CTNND2: variants seen among roughly 807,000 people sequenced by gnomAD.
CTNND2 encodes catenin delta 2.
Under a neutral mutation model 144.4 loss-of-function variants are expected in CTNND2, and 22 were observed. That is an observed-to-expected ratio of 0.15 (90% CI 0.11 to 0.22). The LOEUF is 0.22. CTNND2 is among the 10% of genes least tolerant of loss of function. CTNND2 has a pLI of 1.00. For missense variants in CTNND2, 1,353 were observed against 1,618.8 expected, an observed-to-expected ratio of 0.84 and a Z score of 2.82; for synonymous variants, 751 against 695.6, an observed-to-expected ratio of 1.08 and a Z score of -1.25.
At chr5:11,491,159 T>C (rs987818360) in intron 3 of CTNND2, among the ~76,000 whole-genome samples, 2 of 152,140 alleles carry the variant, frequency 1.3e-5, no homozygotes, top group African/African-American at 4.8e-5. Flanking sequence ...AATTCCATGA[T>C]ACCAGTTATG....
intron 3 of CTNND2, among the ~76,000 whole-genome samples, chr5:11,466,179 C>A (rs932005061): frequency 2.0e-5 from 3 of 151,992 alleles, no homozygotes; most frequent in Non-Finnish European, 4.4e-5. Context: ...TTTTTAAATT[C>A]TTTGTAGAGA....
chr5:11,607,354 G>C (rs909490200), intron 2 of CTNND2, among the ~76,000 whole-genome samples: 2 of 152,108 alleles, frequency 1.3e-5, no homozygotes, highest in African/African-American at 4.8e-5. Context: ...GATATATTTT[G>C]AGTGGTATGG....
intron 11 of CTNND2, among the ~76,000 whole-genome samples, chr5:11,172,289 T>A (rs1760010437): frequency 6.6e-6 from 1 of 152,138 alleles, no homozygotes. Context: ...CAACATCAGC[T>A]TCCTCCTGAG....
rs543364034 is a variant in CTNND2 at position 11,573,880 on chromosome 5, C to G, written c.175-8824G>C. Among the ~76,000 whole-genome samples the G allele has an allele frequency of 7.9e-5, 12 of 152,218 alleles. No individual in the cohort carries two copies. The South Asian group carries it at 2.3e-3, about 29-fold the overall frequency. The stretch of plus-strand genomic sequence containing the variant: ...TCTGCCATTTTCTCTTGCCAAATGC[C>G]TTGTTAGCCAAATAAAGCATGTTTA... On this transcript the variant is annotated intron_variant, in intron 2 of 21. Transcript: ENST00000304623.
intron 7 of CTNND2, among the ~76,000 whole-genome samples, chr5:11,371,305 T>C (rs1757459245): frequency 1.3e-5 from 2 of 152,244 alleles, no homozygotes. Flanking sequence ...TATCAGCATA[T>C]AAACACTTTG....
At chr5:11,801,891 C>T (rs934754541) in intron 1 of CTNND2, among the ~76,000 whole-genome samples, 7 of 152,202 alleles carry the variant, frequency 4.6e-5, no homozygotes, top group African/African-American at 1.7e-4. Flanking sequence ...TGGAATAACA[C>T]CTTCCAAACA....
In CTNND2 at chr5:11,240,107, A is replaced by AAC. The variant is rs762278336; in HGVS notation, c.1629-3286_1629-3285dup. On this transcript the variant is annotated intron_variant, in intron 9 of 21. Coordinates refer to ENST00000304623, the MANE Select transcript of CTNND2 (RefSeq NM_001332.4). The stretch of plus-strand genomic sequence containing the variant: ...AGAGTCATTCCTAGATTAGCCACAC[A>AAC]ACACACACACACACACCCCCAACAC... 8.6e-3 allele frequency among the ~76,000 whole-genome samples: 1,282 copies of AAC among 149,520 alleles called. 25 individuals carry two copies. The highest frequency in any genetic ancestry group is 0.032 in the Admixed American group (473 of 14,690).
chr5:11,050,355 C>T, intron 16 of CTNND2, among the ~76,000 whole-genome samples: 1 of 152,182 alleles, frequency 6.6e-6, no homozygotes, highest in African/African-American at 2.4e-5. Flanking sequence ...CTGCTTCTTA[C>T]ATTTCCACAA....
intron 12 of CTNND2, among the ~76,000 whole-genome samples, chr5:11,141,293 ATTTT>A (rs1195779996): frequency 6.7e-6 from 1 of 148,170 alleles, no homozygotes; most frequent in African/African-American, 2.5e-5. Flanking sequence ...TAAGACCGTC[ATTTT>A]TTTTTTTAAT....
chr5:11,747,792 C>T (rs976745284), intron 1 of CTNND2, among the ~76,000 whole-genome samples: 3 of 152,130 alleles, frequency 2.0e-5, no homozygotes, highest in Admixed American at 1.3e-4. Flanking sequence ...TTGACTGTCA[C>T]AATCTATTAA....
chr5:11,534,800 A>AG (rs1389638487), intron 3 of CTNND2, among the ~76,000 whole-genome samples: 1 of 152,154 alleles, frequency 6.6e-6, no homozygotes, highest in Non-Finnish European at 1.5e-5. Context: ...AGAAATATGT[A>AG]AGTTAGTTTT....
intron 8 of CTNND2, among the ~76,000 whole-genome samples, chr5:11,362,624 T>C (rs1404130275): frequency 1.3e-5 from 2 of 152,276 alleles, no homozygotes; most frequent in East Asian, 3.9e-4. Context: ...AGTTCAAAGG[T>C]GCAGGCTGGG....
intron 1 of CTNND2, among the ~76,000 whole-genome samples, chr5:11,762,446 G>T (rs1789319304): frequency 6.6e-6 from 1 of 152,022 alleles, no homozygotes; most frequent in Non-Finnish European, 1.5e-5. Context: ...GAAGTACCTG[G>T]CACAAAATAG....
intron 1 of CTNND2, among the ~76,000 whole-genome samples, chr5:11,899,212 C>T (rs1737660894): frequency 6.6e-6 from 1 of 152,100 alleles, no homozygotes; most frequent in Non-Finnish European, 1.5e-5. Flanking sequence ...GAGATTCATG[C>T]TCGGTGGTTC....
chr5:11,432,231 CAG>C (rs973411209), intron 3 of CTNND2, among the ~76,000 whole-genome samples: 1 of 137,562 alleles, frequency 7.3e-6, no homozygotes, highest in Non-Finnish European at 1.5e-5. Context: ...CCTGGCAACA[CAG>C]AAAGTGTTGC....
rs75786667 is a variant in CTNND2 at position 11,476,260 on chromosome 5, T to C, written c.288-64191A>G. ...AATGACTTTTCAGAACCTCCGAGTG[T>C]CTTTAAATTCCCACTGTACCATTCT... On this transcript the variant is annotated intron_variant, in intron 3 of 21. Transcript: ENST00000304623. Among the ~76,000 whole-genome samples the C allele has an allele frequency of 2.6e-5, 4 of 152,274 alleles. No individual in the cohort carries two copies. The East Asian group carries it at 7.7e-4, about 29-fold the overall frequency.
rs576973566 is a variant in CTNND2 at position 11,004,485 on chromosome 5, C to T, written c.3085-11808G>A. ...CTCCTTCAAAATGCTTCTGACAGGC[C>T]GGGCGCAGTGGCTAATGCCTGGAAT... On this transcript the variant is annotated intron_variant, in intron 18 of 21. Coordinates refer to ENST00000304623, the MANE Select transcript of CTNND2 (RefSeq NM_001332.4). 5.3e-5 allele frequency among the ~76,000 whole-genome samples: 8 copies of T among 152,254 alleles called. 1 individual carries two copies. Among genetic ancestry groups the T allele is most frequent in the Middle Eastern group, 6.8e-3 (2 of 294 alleles).
At chr5:11,855,518 C>G (rs1795211653) in intron 1 of CTNND2, among the ~76,000 whole-genome samples, 1 of 152,040 alleles carries the variant, frequency 6.6e-6, no homozygotes, top group South Asian at 2.1e-4. Flanking sequence ...TAAATAAAGA[C>G]CAGTGGAGAG....
chr5:11,808,644 A>T (rs142582335), intron 1 of CTNND2, among the ~76,000 whole-genome samples: 286 of 152,256 alleles, frequency 1.9e-3, no homozygotes, highest in African/African-American at 6.4e-3. Flanking sequence ...ATTCTCCTGC[A>T]TCTGCTTTCT....
Sources: allele counts gnomAD v4.1 joint callset (sites outside exome capture counted in the v4.1 genomes callset), GRCh38; gene constraint gnomAD v4.1.1; transcripts MANE v1.5; gene names NCBI Gene and HGNC (gene_info 2026-07-23, HGNC 2026-07-21).